SYT9: variants seen among roughly 807,000 people sequenced by gnomAD.
SYT9 encodes synaptotagmin 9.
A neutral mutation model predicts 48.4 loss-of-function variants in SYT9; 22 were observed. The observed-to-expected ratio is 0.45, with a 90% CI of 0.32 to 0.65. SYT9 has a LOEUF of 0.65. Ranked by LOEUF, SYT9 falls within the 30% of genes least tolerant of loss-of-function variation. SYT9 has a pLI of 0.03. For synonymous variants in SYT9, 265 were observed against 245.0 expected, an observed-to-expected ratio of 1.08 and a Z score of -0.76; for missense variants, 577 against 622.0, an observed-to-expected ratio of 0.93 and a Z score of 0.77.
At chr11:7,381,521 G>A (rs182413798) in intron 3 of SYT9, among the ~76,000 whole-genome samples, 1 of 152,328 alleles carries the variant, frequency 6.6e-6, no homozygotes, top group African/African-American at 2.4e-5. Flanking sequence ...CCCCTATGGA[G>A]CAGAAAGAAG....
At chr11:7,391,004 G>T (rs903274134) in intron 3 of SYT9, among the ~76,000 whole-genome samples, 6 of 151,976 alleles carry the variant, frequency 3.9e-5, no homozygotes, top group African/African-American at 1.5e-4. Flanking sequence ...GGAGTCCGTA[G>T]TATCTCTTGT....
At chr11:7,327,933 G>C (rs1318156662) in intron 3 of SYT9, among the ~76,000 whole-genome samples, 1 of 97,732 alleles carries the variant, frequency 1.0e-5, no homozygotes, top group Non-Finnish European at 2.0e-5. Context: ...GGGGAGGGGG[G>C]AGGGGGGAGG....
At position 7,395,653 on chromosome 11, in the gene SYT9, A is replaced by T. The variant is rs1181493952; in HGVS notation, c.1045-20389A>T. Among the ~76,000 whole-genome samples, 3 of 152,130 alleles carry T rather than the reference A, an allele frequency of 2.0e-5. No homozygotes were observed. In the East Asian group the frequency reaches 5.8e-4, roughly 29 times the overall value. On this transcript the variant is annotated intron_variant, in intron 3 of 6. Transcript: ENST00000318881. ...AATGTATGTTTTACCTGATGGAAGA[A>T]TAGCTACCCCTGTTCTTTTTTGCTT...
intron 3 of SYT9, among the ~76,000 whole-genome samples, chr11:7,367,370 C>G (rs919816410): frequency 1.1e-4 from 17 of 151,252 alleles, no homozygotes; most frequent in African/African-American, 3.9e-4. Context: ...CGTGAGCCAC[C>G]GCGCCCGGCC....
At chr11:7,349,382 A>ACACACACAC (rs1849864857) in intron 3 of SYT9, among the ~76,000 whole-genome samples, 3 of 148,160 alleles carry the variant, frequency 2.0e-5, no homozygotes, top group African/African-American at 5.0e-5. Context: ...AAAATATACA[A>ACACACACAC]ACACACACAC....
chr11:7,459,134 G>A (rs75596058), intron 6 of SYT9, among the ~76,000 whole-genome samples: 1,895 of 152,332 alleles, frequency 0.012, 83 homozygotes, highest in East Asian at 0.094. Flanking sequence ...TGATTCCAAG[G>A]TTGACCGTGG....
chr11:7,344,916 CA>C (rs1417246895), intron 3 of SYT9, among the ~76,000 whole-genome samples: 5 of 126,226 alleles, frequency 4.0e-5, no homozygotes, highest in Admixed American at 2.8e-4. Context: ...ATTTTATAAT[CA>C]GCTCATTATT....
intron 6 of SYT9, among the ~76,000 whole-genome samples, chr11:7,421,353 A>T (rs1847351089): frequency 6.6e-6 from 1 of 152,236 alleles, no homozygotes; most frequent in South Asian, 2.1e-4. Flanking sequence ...CAAGAGCCAA[A>T]AGGGCACACA....
chr11:7,253,784 CCCTTA>C (rs1847916325), intron 1 of SYT9, among the ~76,000 whole-genome samples: 1 of 152,164 alleles, frequency 6.6e-6, no homozygotes, highest in African/African-American at 2.4e-5. Flanking sequence ...AAACCACAGT[CCCTTA>C]TCTCACAAGC....
rs553817545 is a variant in SYT9, at chr11:7,289,509, AC to A, written c.146-13529del. ...GTATATTTTGCTACAATTTTTAAAA[AC>A]ATGAATAAAAAACTCTACTTGGTTT... is the stretch of plus-strand genomic sequence containing the variant. On this transcript the variant is annotated intron_variant, in intron 1 of 6. Transcript: ENST00000318881. 6.0e-4 allele frequency among the ~76,000 whole-genome samples: 92 copies of A among 152,346 alleles called. 1 individual carries two copies. The highest frequency in any genetic ancestry group is 2.2e-3 in the African/African-American group (90 of 41,574).
At chr11:7,430,766 TGCTG>T (rs1847554869) in intron 6 of SYT9, among the ~76,000 whole-genome samples, 1 of 152,152 alleles carries the variant, frequency 6.6e-6, no homozygotes, top group African/African-American at 2.4e-5. Flanking sequence ...CCAAGTGAGA[TGCTG>T]GCTCCTCCTT....
intron 6 of SYT9, among the ~76,000 whole-genome samples, chr11:7,437,198 G>A (rs1308733109): frequency 6.6e-6 from 1 of 152,108 alleles, no homozygotes; most frequent in Non-Finnish European, 1.5e-5. Context: ...CTGGCTCTTG[G>A]AATTTCCAGT....
chr11:7,464,435 G>A (rs1848292862), intron 6 of SYT9, among the ~76,000 whole-genome samples: 1 of 152,228 alleles, frequency 6.6e-6, no homozygotes, highest in Non-Finnish European at 1.5e-5. Context: ...GAAATTGGAA[G>A]TCTTGGGTTT....
intron 6 of SYT9, among the ~76,000 whole-genome samples, chr11:7,436,242 T>C (rs544823661): frequency 6.6e-6 from 1 of 152,194 alleles, no homozygotes; most frequent in Admixed American, 6.5e-5. Context: ...GCTATTGAGG[T>C]GGGTAGGATA....
At chr11:7,238,833 G>C (rs926199723) in exon 1 of SYT9, 2 of 455,806 alleles carry the variant, frequency 4.4e-6, no homozygotes, top group Non-Finnish European at 8.8e-6. Flanking sequence ...ATTTGGGAAA[G>C]AATGATATGA....
At chr11:7,354,165 A>G (rs1193448061) in intron 3 of SYT9, among the ~76,000 whole-genome samples, 1 of 152,174 alleles carries the variant, frequency 6.6e-6, no homozygotes, top group Non-Finnish European at 1.5e-5. Context: ...CAAACTTCAG[A>G]GCACCACATT....
chr11:7,254,267 C>T (rs981019548), intron 1 of SYT9, among the ~76,000 whole-genome samples: 1 of 152,232 alleles, frequency 6.6e-6, no homozygotes, highest in Admixed American at 6.5e-5. Flanking sequence ...TAGCCCCATG[C>T]CCCTGTGGCT....
chr11:7,265,087 T>G lies in SYT9; in HGVS notation c.145+12756T>G, dbSNP rs1180251108. Among the ~76,000 whole-genome samples, 5 of 152,152 alleles carry G rather than the reference T, an allele frequency of 3.3e-5. No homozygotes were observed. The East Asian group carries it at 9.6e-4, about 29-fold the overall frequency. ...GATGCCTTAAGAGATATTTAAGAGA[T>G]AAAATAATTAGTACAATGATATGAA... On this transcript the variant is annotated intron_variant, in intron 1 of 6. Transcript: ENST00000318881.
chr11:7,332,181 T>G (rs1849546518), intron 3 of SYT9, among the ~76,000 whole-genome samples: 1 of 152,182 alleles, frequency 6.6e-6, no homozygotes, highest in South Asian at 2.1e-4. Flanking sequence ...AAGCCTTTCC[T>G]GAGCCTGATG....
Sources: gnomAD v4.1 joint callset for allele counts (sites outside exome capture counted in the v4.1 genomes callset) on GRCh38, gnomAD v4.1.1 for gene constraint, MANE v1.5 for transcripts, NCBI Gene and HGNC (gene_info 2026-07-23, HGNC 2026-07-21) for gene names.